The following SYNPO variants were observed in gnomAD, a reference collection of about 807,000 sequenced individuals.
The protein encoded by SYNPO is synaptopodin.
Under a neutral mutation model 49.5 loss-of-function variants are expected in SYNPO, and 19 were observed. The ratio of observed to expected loss-of-function variants is 0.38; its 90% confidence interval spans 0.27 to 0.56. The LOEUF (loss-of-function observed/expected upper bound fraction) is 0.56, where lower values mean the gene tolerates loss of function less well. SYNPO is among the 20% of genes least tolerant of loss of function. The pLI is 0.68. For synonymous variants in SYNPO, 536 were observed against 548.0 expected (o/e 0.98, Z 0.31); for missense variants, 1,131 against 1,248.3 (o/e 0.91, Z 1.42).
intron 2 of SYNPO, among the ~76,000 whole-genome samples, chr5:150,621,582 C>T (rs947158767): frequency 2.0e-5 from 3 of 152,134 alleles, no homozygotes; most frequent in Non-Finnish European, 2.9e-5. Flanking sequence ...CCATTACCGC[C>T]GAAGGATTAT....
intron 1 of SYNPO, among the ~76,000 whole-genome samples, chr5:150,616,479 C>T (rs1756986817): frequency 6.6e-6 from 1 of 152,216 alleles, no homozygotes; most frequent in African/African-American, 2.4e-5. Context: ...TGGCCATCTG[C>T]TCTGTCTTAC....
chr5:150,634,703 C>A (rs768460987), intron 2 of SYNPO, among the ~76,000 whole-genome samples: 1 of 151,972 alleles, frequency 6.6e-6, no homozygotes, highest in Admixed American at 6.6e-5. Flanking sequence ...TGCCTGTAGT[C>A]CCAGCTACTT....
At chr5:150,636,469 G>T (rs2151394001), upstream of SYNPO, among the ~76,000 whole-genome samples, 1 of 152,302 alleles carries the variant, frequency 6.6e-6, no homozygotes, top group South Asian at 2.1e-4. Flanking sequence ...GAGGGTCAGG[G>T]ATCAGCCCAG....
At chr5:150,652,499 C>A in intron 2 of SYNPO, 2 of 739,410 alleles carry the variant, frequency 2.7e-6, no homozygotes, top group Non-Finnish European at 3.3e-6. Flanking sequence ...TCTGGTTCTG[C>A]ACTGGTACAG....
At chr5:150,632,257 C>T (rs1253337177) in intron 2 of SYNPO, among the ~76,000 whole-genome samples, 4 of 152,232 alleles carry the variant, frequency 2.6e-5, no homozygotes, top group African/African-American at 9.6e-5. Flanking sequence ...GAATCCCAGG[C>T]CTCCTCATCC....
chr5:150,645,122 G>A (rs760697389), intron 1 of SYNPO, among the ~76,000 whole-genome samples: 5 of 152,164 alleles, frequency 3.3e-5, no homozygotes, highest in Non-Finnish European at 7.4e-5. Context: ...CTACTCTCTG[G>A]ATCTCTGTTT....
At chr5:150,632,135 T>C (rs1478759869) in intron 2 of SYNPO, among the ~76,000 whole-genome samples, 2 of 152,212 alleles carry the variant, frequency 1.3e-5, no homozygotes, top group Non-Finnish European at 2.9e-5. Context: ...TTTTTCTCCC[T>C]GGGCATCAGT....
chr5:150,652,119 C>G, intron 2 of SYNPO: 1 of 1,001,702 alleles, frequency 1.0e-6, no homozygotes, highest in East Asian at 1.1e-4. Flanking sequence ...TCACACAGAT[C>G]GAGGGGGTAT....
intron 2 of SYNPO, chr5:150,624,866 G>T: frequency 3.0e-6 from 3 of 985,138 alleles, no homozygotes; most frequent in Non-Finnish European, 3.6e-6. Flanking sequence ...GTGCCGAGGC[G>T]GCGGCGCCCG....
upstream of SYNPO, among the ~76,000 whole-genome samples, chr5:150,640,372 G>A (rs1465959515): frequency 6.6e-6 from 1 of 152,176 alleles, no homozygotes; most frequent in African/African-American, 2.4e-5. Context: ...GGGCAGCTGT[G>A]GGAACTGCAA....
At position 150,605,759 on chromosome 5, in the gene SYNPO, TACACACACAC is replaced by T. The variant is rs34727103; in HGVS notation, c.-266+4587_-266+4596del. Among the ~76,000 whole-genome samples, 44 of 142,248 alleles carry T rather than the reference TACACACACAC, an allele frequency of 3.1e-4. 1 individual carries two copies. The South Asian group carries it at 0.01, about 33-fold the overall frequency. 93.3% of individuals were successfully genotyped at this position (142,248 alleles called of 152,430 possible). The stretch of plus-strand genomic sequence containing the variant: ...ACCACCCCCACCACACACACACACA[TACACACACAC>T]ACACACACACACACAGATATGCACA... On this transcript the variant is annotated intron_variant, in intron 1 of 2. Transcript: ENST00000394243.
At chr5:150,653,149 G>C (rs924507544) in intron 2 of SYNPO, 2 of 152,176 alleles carry the variant, frequency 1.3e-5, no homozygotes, top group African/African-American at 2.4e-5. Flanking sequence ...ACGGTGCATT[G>C]AGCTCTCTGT....
chr5:150,621,554 T>C (rs1436286194), intron 2 of SYNPO, among the ~76,000 whole-genome samples: 1 of 152,158 alleles, frequency 6.6e-6, no homozygotes, highest in Non-Finnish European at 1.5e-5. Flanking sequence ...GATTAGGGCT[T>C]CATTTTAAAG....
chr5:150,596,484 G>A (rs780523204), upstream of SYNPO, among the ~76,000 whole-genome samples: 5 of 152,110 alleles, frequency 3.3e-5, no homozygotes, highest in African/African-American at 7.2e-5. Flanking sequence ...GCGAGTTGAC[G>A]GACGGCCCCC....
chr5:150,604,989 C>G (rs928427255), intron 1 of SYNPO, among the ~76,000 whole-genome samples: 8 of 152,212 alleles, frequency 5.3e-5, no homozygotes, highest in Admixed American at 3.9e-4. Flanking sequence ...CCCACCACGT[C>G]TGTGTTTCCT....
rs775058147 is a variant in SYNPO, at chr5:150,649,385, G to A, written c.1110G>A (p.Ser370=). 4.2e-5 allele frequency: 68 copies of A among 1,614,000 alleles called. 1 individual carries two copies. The Admixed American group carries it at 9.7e-4, about 23-fold the overall frequency. ...GCAAGACGGGCATTCTGGAGGAGTC[G>A]ATGGCCCGCCGGGGCAGCCGCAAAT... ...PASKTGILEE[S]MARRGSRKSM... The change falls in exon 2 of 3, where the codon TCG becomes TCA. Residue 370 remains serine (S), a synonymous_variant. Coordinates refer to ENST00000307662, the MANE Select transcript of SYNPO (RefSeq NM_007286.6).
chr5:150,595,604 C>T, the SYNPO span, among the ~76,000 whole-genome samples: 100 of 152,328 alleles, frequency 6.6e-4, no homozygotes, highest in African/African-American at 2.4e-3. Flanking sequence ...CCCAGCCACT[C>T]GCTGATAAGA....
At chr5:150,590,602 G>A in the SYNPO span, among the ~76,000 whole-genome samples, 4 of 152,192 alleles carry the variant, frequency 2.6e-5, no homozygotes, top group African/African-American at 4.8e-5. Flanking sequence ...TGAGGGTGGC[G>A]CTTGTGTGGG....
intron 1 of SYNPO, among the ~76,000 whole-genome samples, chr5:150,613,161 AGCC>A (rs1756895785): frequency 7.9e-6 from 1 of 126,782 alleles, no homozygotes; most frequent in Non-Finnish European, 1.5e-5. Flanking sequence ...TCTGCCTGCC[AGCC>A]AGCCCTTTTT....
Sources: allele counts gnomAD v4.1 joint callset (sites outside exome capture counted in the v4.1 genomes callset), GRCh38; gene constraint gnomAD v4.1.1; transcripts MANE v1.5; gene names NCBI Gene and HGNC (gene_info 2026-07-23, HGNC 2026-07-21).